The following SLC11A2 variants were observed in gnomAD, a reference collection of about 807,000 sequenced individuals.
SLC11A2 encodes the protein solute carrier family 11 member 2, also known as natural resistance-associated macrophage protein 2.
A neutral mutation model predicts 68.0 loss-of-function variants in SLC11A2; 38 were observed. That is an observed-to-expected ratio of 0.56 (90% CI 0.43 to 0.73). The LOEUF (loss-of-function observed/expected upper bound fraction) is 0.73. Ranked by LOEUF, SLC11A2 falls within the 30% of genes least tolerant of loss-of-function variation. SLC11A2 has a pLI of 0.00. For missense variants in SLC11A2, 517 were observed against 690.5 expected (o/e 0.75, Z 2.82); for synonymous variants, 242 against 250.6 (o/e 0.97, Z 0.32).
At chr12:50,979,149 C>A (rs1177488576), downstream of SLC11A2, among the ~76,000 whole-genome samples, 1 of 152,102 alleles carries the variant, frequency 6.6e-6, no homozygotes, top group Non-Finnish European at 1.5e-5. Flanking sequence ...GATTTATATA[C>A]CACAAATTGG....
upstream of SLC11A2, among the ~76,000 whole-genome samples, chr12:51,026,839 T>G (rs1944415772): frequency 6.6e-6 from 1 of 151,954 alleles, no homozygotes; most frequent in Non-Finnish European, 1.5e-5. Context: ...GATACCAGCC[T>G]GGGCAACATA....
intron 1 of SLC11A2, among the ~76,000 whole-genome samples, chr12:51,014,789 G>A (rs1566031928): frequency 6.6e-6 from 1 of 152,108 alleles, no homozygotes. Flanking sequence ...GGAGGTAGAG[G>A]TTGCAGTGAG....
intron 1 of SLC11A2, among the ~76,000 whole-genome samples, chr12:51,018,293 C>T (rs1378162522): frequency 6.6e-6 from 1 of 151,894 alleles, no homozygotes; most frequent in Non-Finnish European, 1.5e-5. Flanking sequence ...TATTGGGAGG[C>T]TGAGGCAGGA....
the SLC11A2 span, among the ~76,000 whole-genome samples, chr12:50,971,264 T>C: frequency 6.6e-6 from 1 of 152,140 alleles, no homozygotes; most frequent in Non-Finnish European, 1.5e-5. Flanking sequence ...TACGGTTTCA[T>C]AAACTCCTTT....
chr12:51,013,437 C>G (rs1342582299), intron 1 of SLC11A2, among the ~76,000 whole-genome samples: 6 of 151,306 alleles, frequency 4.0e-5, no homozygotes. Flanking sequence ...ATTACAGGCG[C>G]CCACCACCGA....
chr12:51,019,907 A>C (rs1335638789), intron 1 of SLC11A2, among the ~76,000 whole-genome samples: 1 of 151,940 alleles, frequency 6.6e-6, no homozygotes, highest in African/African-American at 2.4e-5. Flanking sequence ...AGCCTTCCAA[A>C]GTGCTGGGAT....
At chr12:51,027,790 G>A (rs1034813379), upstream of SLC11A2, among the ~76,000 whole-genome samples, 2 of 151,750 alleles carry the variant, frequency 1.3e-5, no homozygotes, top group Non-Finnish European at 2.9e-5. Context: ...CTTTATTCAC[G>A]TAAAAACAGC....
the SLC11A2 span, among the ~76,000 whole-genome samples, chr12:50,959,406 C>T: frequency 7.2e-4 from 109 of 152,240 alleles, no homozygotes; most frequent in Non-Finnish European, 2.1e-4. Flanking sequence ...AGGTGTGAGC[C>T]ACTGTGCCCG....
At chr12:51,025,418 A>G (rs1031350017) in intron 1 of SLC11A2, among the ~76,000 whole-genome samples, 1 of 152,242 alleles carries the variant, frequency 6.6e-6, no homozygotes, top group Non-Finnish European at 1.5e-5. Context: ...CAACATGCTC[A>G]AAGATTTACA....
At chr12:50,973,468 A>T in the SLC11A2 span, among the ~76,000 whole-genome samples, 6 of 152,186 alleles carry the variant, frequency 3.9e-5, no homozygotes, top group African/African-American at 1.4e-4. Context: ...CAGAGAGGAC[A>T]TCCACACCAA....
intron 1 of SLC11A2, among the ~76,000 whole-genome samples, chr12:51,017,102 T>C (rs1943718911): frequency 6.6e-6 from 1 of 152,094 alleles, no homozygotes; most frequent in Non-Finnish European, 1.5e-5. Flanking sequence ...CTACATATTC[T>C]TTGATCTAGC....
At chr12:50,956,517 T>G in the SLC11A2 span, among the ~76,000 whole-genome samples, 1 of 152,240 alleles carries the variant, frequency 6.6e-6, no homozygotes, top group Non-Finnish European at 1.5e-5. Flanking sequence ...AAAACATTTT[T>G]TGTTGGTTAT....
At chr12:50,955,095 C>A in the SLC11A2 span, among the ~76,000 whole-genome samples, 1 of 152,100 alleles carries the variant, frequency 6.6e-6, no homozygotes, top group Non-Finnish European at 1.5e-5. Context: ...AATTCAAGAC[C>A]AGCCTGGCCA....
At chr12:50,958,379 T>A in the SLC11A2 span, among the ~76,000 whole-genome samples, 3 of 151,252 alleles carry the variant, frequency 2.0e-5, no homozygotes, top group East Asian at 5.9e-4. Flanking sequence ...CCTCCCGGGT[T>A]CACACCATTC....
chr12:50,961,064 T>C, the SLC11A2 span: 172 of 1,613,668 alleles, frequency 1.1e-4, no homozygotes, highest in Middle Eastern at 1.6e-4. Context: ...CACATGAGAG[T>C]TGCTGCCCAA....
At chr12:50,980,501 A>G (rs1939962529), downstream of SLC11A2, 1 of 151,878 alleles carries the variant, frequency 6.6e-6, no homozygotes, top group African/African-American at 2.4e-5. Flanking sequence ...TCTCAAAAAA[A>G]TAACAACAAA....
chr12:50,962,043 G>C, the SLC11A2 span, among the ~76,000 whole-genome samples: 4 of 152,174 alleles, frequency 2.6e-5, no homozygotes, highest in Admixed American at 6.5e-5. Context: ...TAGGAAGACA[G>C]ACCAAGAAAG....
upstream of SLC11A2, chr12:51,026,563 C>CGGCCCCTG: frequency 5.9e-6 from 2 of 336,278 alleles, no homozygotes; most frequent in South Asian, 2.2e-5. Context: ...GGGCACCCGG[C>CGGCCCCTG]GGGAGCTGCA....
chr12:51,019,454 A>G (rs1489678180), intron 1 of SLC11A2, among the ~76,000 whole-genome samples: 2 of 152,180 alleles, frequency 1.3e-5, no homozygotes, highest in Non-Finnish European at 2.9e-5. Context: ...GATGACTGAC[A>G]GTCAACAAAA....
Sources: gnomAD v4.1 joint callset for allele counts (sites outside exome capture counted in the v4.1 genomes callset) on GRCh38, gnomAD v4.1.1 for gene constraint, MANE v1.5 for transcripts, NCBI Gene and HGNC (gene_info 2026-07-23, HGNC 2026-07-21) for gene names.